Variants in PDCD5 observed in about 807,000 individuals in gnomAD.
PDCD5 encodes programmed cell death protein 5.
In PDCD5, 23 loss-of-function variants were observed where a neutral mutation model predicts 21.9. The ratio of observed to expected loss-of-function variants is 1.05; its 90% CI spans 0.76 to 1.49. PDCD5 has a LOEUF of 1.49. PDCD5 is among the 40% of genes most tolerant of loss of function. PDCD5 has a pLI of 0.00. For missense variants in PDCD5, 152 were observed against 147.7 expected, an observed-to-expected ratio of 1.03 and a Z score of -0.15; for synonymous variants, 45 against 49.4, an observed-to-expected ratio of 0.91 and a Z score of 0.37.
chr19:32,586,245 A>G, intron 4 of PDCD5: 1 of 1,433,130 alleles, frequency 7.0e-7, no homozygotes, highest in Non-Finnish European at 9.1e-7. Context: ...TGTGTTTTGC[A>G]GATGAGAAGG....
rs1287540837 is a variant in PDCD5 at position 32,585,888 on chromosome 19, A to G, written c.239A>G (p.Tyr80Cys). The change falls in exon 4 of 6, where the codon TAT (tyrosine) becomes TGT (cysteine). Residue 80 changes from tyrosine (Y) to cysteine (C), a missense_variant. Coordinates refer to ENST00000590247, the MANE Select transcript of PDCD5 (RefSeq NM_004708.4). ...AATTACCTTATACAGATGGCAAGAT[A>G]TGGACAACTAAGTGAGAAGGTAAGC... ...VENYLIQMARYGQLSEKVSEQ... is the reference protein window; with the variant it reads ...VENYLIQMARCGQLSEKVSEQ... The G allele has an allele frequency of 6.2e-7, 1 of 1,611,788 alleles. No homozygotes were observed. Among genetic ancestry groups the G allele is most frequent in the Non-Finnish European group, 8.5e-7 (1 of 1,177,856 alleles).
At chr19:32,586,123 T>C in intron 4 of PDCD5, 5 of 1,511,296 alleles carry the variant, frequency 3.3e-6, no homozygotes, top group South Asian at 1.3e-5. Context: ...TGGAACCTTG[T>C]TGGTGTCTGT....
At chr19:32,586,223 G>T in intron 4 of PDCD5, 2 of 1,440,476 alleles carry the variant, frequency 1.4e-6, no homozygotes, top group Non-Finnish European at 1.8e-6. Context: ...TACTACCAGT[G>T]TAAGTAGAAG....
At chr19:32,587,047 C>T (rs996191171) in intron 5 of PDCD5, 118 bp downstream of exon 5, 14 of 1,008,382 alleles carry the variant, frequency 1.4e-5, no homozygotes, top group South Asian at 3.2e-5. Flanking sequence ...TTGTCAAACA[C>T]GTGAAAGTTT....
intron 2 of PDCD5, among the ~76,000 whole-genome samples, chr19:32,583,081 G>A (rs577942118): frequency 6.6e-6 from 1 of 152,194 alleles, no homozygotes; most frequent in African/African-American, 2.4e-5. Context: ...GATTCTTCCA[G>A]AGGGGATTTA....
rs959869567 is a variant in PDCD5 at position 32,586,105 on chromosome 19, C to T, written c.258+198C>T. The T allele has an allele frequency of 1.7e-5, 26 of 1,526,782 alleles. No individual in the cohort carries two copies. The African/African-American group carries it at 2.3e-4, about 14-fold the overall frequency. 94.6% of individuals were successfully genotyped at this position (1,526,782 alleles called of 1,614,324 possible). ...TTCCTCTGCTTCGCTCCTTTCCTGGCGTTGCTCTGGAACCTTGTTGGTGTC... is the reference window on the plus strand; with the variant it reads ...TTCCTCTGCTTCGCTCCTTTCCTGGTGTTGCTCTGGAACCTTGTTGGTGTC... On this transcript the variant is annotated intron_variant, in intron 4 of 5. Coordinates refer to ENST00000590247, the MANE Select transcript of PDCD5 (RefSeq NM_004708.4).
At chr19:32,582,927 G>A (rs1038292957) in intron 2 of PDCD5, among the ~76,000 whole-genome samples, 4 of 152,176 alleles carry the variant, frequency 2.6e-5, no homozygotes, top group Non-Finnish European at 5.9e-5. Flanking sequence ...GGGAGGGTTC[G>A]GGAGAAGACA....
intron 2 of PDCD5, among the ~76,000 whole-genome samples, chr19:32,584,081 C>T (rs996744203): frequency 6.6e-6 from 1 of 152,158 alleles, no homozygotes; most frequent in Admixed American, 6.5e-5. Flanking sequence ...ATCCACCCAC[C>T]TCAGCCTCCC....
At chr19:32,584,694 C>T (rs1475103227) in intron 2 of PDCD5, among the ~76,000 whole-genome samples, 2 of 152,188 alleles carry the variant, frequency 1.3e-5, no homozygotes, top group Non-Finnish European at 2.9e-5. Context: ...ACTGAGGCTC[C>T]ACTCTGATGA....
intron 2 of PDCD5, among the ~76,000 whole-genome samples, chr19:32,583,840 T>A (rs1333105662): frequency 6.6e-6 from 1 of 151,902 alleles, no homozygotes; most frequent in African/African-American, 2.4e-5. Context: ...CATCTTTTTT[T>A]ATTGTTGTTG....
rs1568387966 is a variant in PDCD5, at chr19:32,584,963, A to C, written c.118A>C (p.Arg40=). ...TTTTCGTTGTAGGGAAGCAGAAATGAGAAACAGTATCTTAGCCCAAGTTCT... is the reference window on the plus strand; with the variant it reads ...TTTTCGTTGTAGGGAAGCAGAAATGCGAAACAGTATCTTAGCCCAAGTTCT... ...QEAKHREAEM[R]NSILAQVLDQ... is the part of the protein sequence containing the mutation. The change falls in exon 3 of 6, where the codon AGA becomes CGA. Residue 40 remains arginine, a synonymous_variant. Coordinates refer to ENST00000590247, the MANE Select transcript of PDCD5 (RefSeq NM_004708.4). 6.2e-7 allele frequency: 1 copy of C among 1,613,860 alleles called. No individual in the cohort carries two copies. The highest frequency in any genetic ancestry group is 1.7e-5 in the Admixed American group (1 of 60,026).
chr19:32,587,251 A>T lies in PDCD5; in HGVS notation c.331-2A>T, dbSNP rs1414760075. 6.3e-7 allele frequency: 1 copy of T among 1,596,750 alleles called. No individual in the cohort carries two copies. The highest frequency in any genetic ancestry group is 8.6e-7 in the Non-Finnish European group (1 of 1,165,388). On this transcript the variant is annotated splice_acceptor_variant, in intron 5 of 5. Coordinates refer to ENST00000590247, the MANE Select transcript of PDCD5 (RefSeq NM_004708.4). LOFTEE classifies it high-confidence loss of function. ...CTGACACTCATTTAATTTTCCTCCC[A>T]GTTCAACAGAAGAAAAGTAATGGAC... is the stretch of plus-strand genomic sequence containing the variant.
At position 32,582,218 on chromosome 19, in the gene PDCD5, GGAAGC is replaced by G. The variant is rs1407260870; in HGVS notation, c.91_95del (p.Glu31LysfsTer26). 1 of 1,613,140 alleles carries G rather than the reference GGAAGC, an allele frequency of 6.2e-7. No homozygotes were observed. Among genetic ancestry groups the G allele is most frequent in the Non-Finnish European group, 8.5e-7 (1 of 1,179,424 alleles). ...AGGATCCTGGTGATGCGGCCCAACA[GGAAGC>G]AAAGCACAGGTATGGGCTGGAAACG... On this transcript the variant is annotated frameshift_variant, in exon 2 of 6. Coordinates refer to ENST00000590247, the MANE Select transcript of PDCD5 (RefSeq NM_004708.4). LOFTEE classifies it high-confidence loss of function.
At chr19:32,586,406 C>G in intron 4 of PDCD5, 1 of 1,169,152 alleles carries the variant, frequency 8.6e-7, no homozygotes, top group South Asian at 2.2e-5. Context: ...GTCCTGTCCC[C>G]TAAACCCCTC....
chr19:32,582,560 AGT>A (rs1971438998), intron 2 of PDCD5, among the ~76,000 whole-genome samples: 2 of 152,194 alleles, frequency 1.3e-5, no homozygotes, highest in African/African-American at 4.8e-5. Flanking sequence ...GTGCTCAATA[AGT>A]GTTAACTGGT....
Position 32,583,428 on chromosome 19 carries a change from C to CT in PDCD5, c.104+1196_104+1197insT, listed in dbSNP as rs1416238905. ...CTGAGGAGCTGAGATGACAGGCGTG[C>CT]ACCACCATGCCTGGCTAATTTTTTT... On this transcript the variant is annotated intron_variant, in intron 2 of 5. Coordinates refer to ENST00000590247, the MANE Select transcript of PDCD5 (RefSeq NM_004708.4). Among the ~76,000 whole-genome samples the CT allele has an allele frequency of 7.9e-5, 12 of 151,688 alleles. No individual in the cohort carries two copies. The East Asian group carries it at 2.3e-3, about 30-fold the overall frequency.
Position 32,586,873 on chromosome 19 carries a change from T to A in PDCD5, c.274T>A (p.Leu92Ile), listed in dbSNP as rs541378079. Residue 92 changes from leucine (L) to isoleucine (I), a missense_variant, in exon 5 of 6, where the codon TTA becomes ATA. Leu to Ile is a conservative substitution (Grantham distance 5). Transcript: ENST00000590247. ...GTTCTCCTAGGTATCAGAACAAGGT[T>A]TAATAGAAATCCTTAAAAAAGTAAG... is the stretch of plus-strand genomic sequence containing the variant. ...QLSEKVSEQG[L>I]IEILKKVSQQ... 2 of 1,612,396 alleles carry A rather than the reference T, an allele frequency of 1.2e-6. No homozygotes were observed. Among genetic ancestry groups the A allele is most frequent in the South Asian group, 2.2e-5 (2 of 90,568 alleles).
chr19:32,583,648 C>T (rs1971450484), intron 2 of PDCD5, among the ~76,000 whole-genome samples: 1 of 151,822 alleles, frequency 6.6e-6, no homozygotes, highest in African/African-American at 2.4e-5. Context: ...TTGATGGCAT[C>T]TTAGGGTTCT....
chr19:32,584,465 C>T (rs538427757), intron 2 of PDCD5, among the ~76,000 whole-genome samples: 3 of 152,288 alleles, frequency 2.0e-5, no homozygotes, highest in East Asian at 1.9e-4. Context: ...CTTCCCCACC[C>T]AGAAAAATAG....
Sources: gnomAD v4.1 joint callset for allele counts (sites outside exome capture counted in the v4.1 genomes callset) on GRCh38, gnomAD v4.1.1 for gene constraint, MANE v1.5 for transcripts, NCBI Gene and HGNC (gene_info 2026-07-23, HGNC 2026-07-21) for gene names.